Variants in NREP observed in about 807,000 individuals in gnomAD.
NREP encodes the protein neuronal regeneration related protein.
Under a neutral mutation model 8.6 loss-of-function variants are expected in NREP, and 5 were observed. The observed-to-expected ratio is 0.58, with a 90% CI of 0.30 to 1.22. The LOEUF (loss-of-function observed/expected upper bound fraction) is 1.22. Among genes scored for constraint, NREP ranks in the 50% most tolerant of loss-of-function variants. NREP has a pLI of 0.07. For synonymous variants in NREP, 27 were observed against 28.0 expected (o/e 0.96, Z 0.11); for missense variants, 86 against 82.5 (o/e 1.04, Z -0.17).
chr5:111,740,628 T>C (rs376522100), intron 2 of NREP, among the ~76,000 whole-genome samples: 1 of 152,162 alleles, frequency 6.6e-6, no homozygotes, highest in Admixed American at 6.5e-5. Flanking sequence ...AAATGAAATG[T>C]GGGAAAATTC....
At chr5:111,733,566 C>T (rs1297574456) in intron 3 of NREP, 1 of 151,674 alleles carries the variant, frequency 6.6e-6, no homozygotes, top group Non-Finnish European at 1.5e-5. Flanking sequence ...GCTTCTGCAA[C>T]AAGTGGAGGA....
At chr5:111,968,702 C>A (rs1756715899) in intron 2 of NREP, among the ~76,000 whole-genome samples, 1 of 152,224 alleles carries the variant, frequency 6.6e-6, no homozygotes, top group African/African-American at 2.4e-5. Flanking sequence ...ATGTGTGATG[C>A]ATGCCCTAGC....
chr5:111,851,198 A>G (rs1753301253), intron 2 of NREP, among the ~76,000 whole-genome samples: 1 of 152,198 alleles, frequency 6.6e-6, no homozygotes. Flanking sequence ...TGACATATGT[A>G]TATCCCATAA....
At position 111,829,098 on chromosome 5, in the gene NREP, GA is replaced by G. The variant is rs200366779; in HGVS notation, c.136-93592del. On this transcript the variant is annotated intron_variant, in intron 2 of 3. Transcript: ENST00000395634. ...ATCATGAAAGAGCATAGTGTATCTG[GA>G]AAAAAAAAAACAAAAACATATAATT... 9.1e-4 allele frequency among the ~76,000 whole-genome samples: 130 copies of G among 142,684 alleles called. 1 individual carries two copies. The highest frequency in any genetic ancestry group is 7.1e-3 in the Middle Eastern group (2 of 280). The allele number at this position is 142,684 out of a possible 152,430, so 93.6% of individuals were successfully genotyped here.
At chr5:111,790,322 T>A (rs981038745) in intron 2 of NREP, among the ~76,000 whole-genome samples, 10 of 141,586 alleles carry the variant, frequency 7.1e-5, no homozygotes, top group African/African-American at 2.6e-4. Flanking sequence ...GGAGGAATCT[T>A]CACCCTATAC....
chr5:111,874,048 G>T (rs1460707770), intron 2 of NREP, among the ~76,000 whole-genome samples: 2 of 152,146 alleles, frequency 1.3e-5, no homozygotes, highest in East Asian at 3.9e-4. Flanking sequence ...AGGGACGGGA[G>T]GGTGGGGAAA....
At chr5:111,907,269 A>G (rs1754801232) in intron 2 of NREP, among the ~76,000 whole-genome samples, 3 of 152,056 alleles carry the variant, frequency 2.0e-5, no homozygotes, top group African/African-American at 7.2e-5. Flanking sequence ...TTCAAACCCA[A>G]TGTCTCCTTG....
intron 2 of NREP, among the ~76,000 whole-genome samples, chr5:111,830,040 T>C (rs1752726814): frequency 6.6e-6 from 1 of 152,192 alleles, no homozygotes; most frequent in Admixed American, 6.5e-5. Flanking sequence ...TCCTAGATCT[T>C]AGGTCAAGCT....
chr5:111,898,041 A>T (rs922543716), intron 2 of NREP, among the ~76,000 whole-genome samples: 7 of 152,196 alleles, frequency 4.6e-5, no homozygotes, highest in Non-Finnish European at 2.9e-5. Flanking sequence ...ATGATAGGAC[A>T]TGAATTGAGA....
intron 2 of NREP, among the ~76,000 whole-genome samples, chr5:111,895,632 A>G (rs1227484524): frequency 1.3e-5 from 2 of 152,134 alleles, no homozygotes; most frequent in African/African-American, 4.8e-5. Context: ...GTTACTACCC[A>G]AGTTGTCTCA....
chr5:111,976,800 C>T, exon 1 of NREP: 1 of 1,473,328 alleles, frequency 6.8e-7, no homozygotes, highest in Admixed American at 2.0e-5. Flanking sequence ...AAGCTTCTTG[C>T]CGGGAGTTGG....
chr5:111,976,843 T>C, exon 1 of NREP: 1 of 826,890 alleles, frequency 1.2e-6, no homozygotes, highest in South Asian at 1.7e-5. Flanking sequence ...CTGCAGCCCA[T>C]TCTGATTGTC....
At chr5:111,819,371 A>C (rs544655628) in intron 2 of NREP, among the ~76,000 whole-genome samples, 2 of 152,288 alleles carry the variant, frequency 1.3e-5, no homozygotes, top group East Asian at 3.9e-4. Context: ...ATGACACAGC[A>C]GTATGGGCTA....
intron 2 of NREP, among the ~76,000 whole-genome samples, chr5:111,814,963 G>C (rs1354129276): frequency 1.5e-5 from 2 of 135,798 alleles, no homozygotes; most frequent in Non-Finnish European, 3.2e-5. Flanking sequence ...TTACCAAGAG[G>C]AAAAAAAAAA....
intron 2 of NREP, among the ~76,000 whole-genome samples, chr5:111,899,689 A>G (rs920868611): frequency 2.6e-5 from 4 of 152,194 alleles, no homozygotes; most frequent in Non-Finnish European, 4.4e-5. Flanking sequence ...TATGCTGCCT[A>G]CAAGAAACTC....
chr5:111,748,446 G>C (rs1750145255), intron 2 of NREP, among the ~76,000 whole-genome samples: 1 of 152,098 alleles, frequency 6.6e-6, no homozygotes, highest in Non-Finnish European at 1.5e-5. Flanking sequence ...AGAAATAACA[G>C]ATTGTCATGT....
intron 2 of NREP, among the ~76,000 whole-genome samples, chr5:111,888,340 G>GC (rs11443666): frequency 0.11 from 15,792 of 143,116 alleles, 1,261 homozygotes; most frequent in African/African-American, 0.24. Context: ...ATTGCTGGGT[G>GC]GCGGGGGGGG....
intron 2 of NREP, among the ~76,000 whole-genome samples, chr5:111,781,110 A>G (rs1751483515): frequency 6.6e-6 from 1 of 152,032 alleles, no homozygotes; most frequent in Non-Finnish European, 1.5e-5. Context: ...TAAGCCTAGT[A>G]CTCATTGGTT....
At chr5:111,937,729 G>A (rs965867924) in intron 2 of NREP, among the ~76,000 whole-genome samples, 1 of 151,918 alleles carries the variant, frequency 6.6e-6, no homozygotes. Flanking sequence ...ACTTTTCCAG[G>A]CTTCTCTACT....
Sources: gnomAD v4.1 joint callset for allele counts (sites outside exome capture counted in the v4.1 genomes callset) on GRCh38, gnomAD v4.1.1 for gene constraint, MANE v1.5 for transcripts, NCBI Gene and HGNC (gene_info 2026-07-23, HGNC 2026-07-21) for gene names.